Variants in ADAM2 observed in about 807,000 individuals in gnomAD.
The protein encoded by ADAM2 is ADAM metallopeptidase domain 2.
A neutral mutation model predicts 99.3 loss-of-function variants in ADAM2; 101 were observed. The observed-to-expected ratio is 1.02, with a 90% CI of 0.87 to 1.20. The LOEUF is 1.20. Among genes scored for constraint, ADAM2 ranks in the 50% most tolerant of loss-of-function variants. ADAM2 has a pLI of 0.00. For synonymous variants in ADAM2, 323 were observed against 287.6 expected (o/e 1.12, Z -1.25); for missense variants, 948 against 878.7 (o/e 1.08, Z -1.00).
At chr8:39,808,231 T>C (rs1483234766) in intron 7 of ADAM2, among the ~76,000 whole-genome samples, 1 of 132,162 alleles carries the variant, frequency 7.6e-6, no homozygotes. Flanking sequence ...CAATTACAAG[T>C]AATAAACATT....
At position 39,777,011 on chromosome 8, in the gene ADAM2, G is replaced by C. The variant is rs960302241; in HGVS notation, c.1028+14C>G. ...TAAACTATATATGTAAAGTATAAAA[G>C]TCAGAAATCTTACATTGCTTCTGGA... On this transcript the variant is annotated intron_variant, in intron 11 of 20. Coordinates refer to ENST00000265708, the MANE Select transcript of ADAM2 (RefSeq NM_001464.5). 1 of 1,497,798 alleles carries C rather than the reference G, an allele frequency of 6.7e-7. No individual in the cohort carries two copies. 92.8% of individuals were successfully genotyped at this position (1,497,798 alleles called of 1,614,324 possible). A position where few individuals can be genotyped will look rare whatever the true frequency, so the allele number is the denominator to read the frequency against.
intron 4 of ADAM2, among the ~76,000 whole-genome samples, chr8:39,824,344 T>C (rs534959504): frequency 1.3e-5 from 2 of 151,150 alleles, no homozygotes; most frequent in Non-Finnish European, 3.0e-5. Context: ...CTCTTCTTTA[T>C]TATTTTTTAA....
At chr8:39,824,717 A>T in intron 4 of ADAM2, 102 bp downstream of exon 4, 2 of 701,462 alleles carry the variant, frequency 2.9e-6, no homozygotes, top group Non-Finnish European at 5.1e-6. Flanking sequence ...TATGCCAAGA[A>T]GCCATGACCC....
chr8:39,787,559 C>CAT (rs1803518817), intron 9 of ADAM2, among the ~76,000 whole-genome samples: 1 of 96,262 alleles, frequency 1.0e-5, no homozygotes, highest in Non-Finnish European at 2.0e-5. Flanking sequence ...TATATATACA[C>CAT]ATATATATAC....
intron 7 of ADAM2, among the ~76,000 whole-genome samples, chr8:39,804,485 A>G (rs561121891): frequency 2.6e-5 from 4 of 152,274 alleles, no homozygotes; most frequent in Admixed American, 6.5e-5. Flanking sequence ...GAAATATAAG[A>G]GGGAGTATTC....
chr8:39,763,700 C>A (rs556200135), intron 14 of ADAM2, among the ~76,000 whole-genome samples: 1 of 152,188 alleles, frequency 6.6e-6, no homozygotes, highest in Non-Finnish European at 1.5e-5. Flanking sequence ...GCTATCAGAG[C>A]GTACTTTGCT....
intron 14 of ADAM2, among the ~76,000 whole-genome samples, chr8:39,763,789 C>T (rs1395910494): frequency 6.6e-6 from 1 of 152,174 alleles, no homozygotes; most frequent in Admixed American, 6.5e-5. Flanking sequence ...AGAATCTGAA[C>T]CGGTTCACTG....
chr8:39,814,082 G>A (rs552939281), intron 6 of ADAM2, among the ~76,000 whole-genome samples: 1 of 152,034 alleles, frequency 6.6e-6, no homozygotes. Flanking sequence ...CACAGGCCAG[G>A]CGTGGTGGCT....
intron 16 of ADAM2, among the ~76,000 whole-genome samples, chr8:39,752,629 A>T (rs1389301408): frequency 1.3e-5 from 2 of 152,138 alleles, no homozygotes; most frequent in Non-Finnish European, 2.9e-5. Flanking sequence ...ATTTGCAGAC[A>T]CCTGGGGCAA....
chr8:39,813,319 G>C (rs1044450127), intron 6 of ADAM2, among the ~76,000 whole-genome samples: 2 of 152,202 alleles, frequency 1.3e-5, no homozygotes, highest in Non-Finnish European at 2.9e-5. Flanking sequence ...TACACTGTTG[G>C]TGGGACTATA....
intron 15 of ADAM2, among the ~76,000 whole-genome samples, chr8:39,759,028 A>G (rs1802256007): frequency 6.6e-6 from 1 of 152,186 alleles, no homozygotes; most frequent in Non-Finnish European, 1.5e-5. Flanking sequence ...GGATTTTAAA[A>G]CTAGTTAGTT....
rs377755123 is a variant in ADAM2, at chr8:39,821,007, C to T, written c.508G>A (p.Val170Ile). 33 of 1,583,656 alleles carry T rather than the reference C, an allele frequency of 2.1e-5. No homozygotes were observed. Among genetic ancestry groups the T allele is most frequent in the Middle Eastern group, 1.8e-4 (1 of 5,462 alleles). Residue 170 changes from valine (V) to isoleucine (I), a missense_variant, in exon 6 of 21, where the codon GTA (valine) becomes ATA (isoleucine). Transcript: ENST00000265708. ...TTGTTCAATTAATCACCTACCTCTA[C>T]GCTTTGTAATTTAAAGGACAGATCT... ...SRDLSFKLQS[V>I]EPQQDFAKYI...
intron 15 of ADAM2, among the ~76,000 whole-genome samples, chr8:39,756,316 T>A (rs1802149688): frequency 6.6e-6 from 1 of 152,194 alleles, no homozygotes; most frequent in Non-Finnish European, 1.5e-5. Context: ...AAAATGAAGA[T>A]TTCAAGGTCA....
chr8:39,783,371 T>C (rs1458827738), intron 10 of ADAM2, among the ~76,000 whole-genome samples: 2 of 152,194 alleles, frequency 1.3e-5, no homozygotes, highest in Non-Finnish European at 2.9e-5. Context: ...TTCTTAAATA[T>C]GATTATGGAC....
intron 1 of ADAM2, among the ~76,000 whole-genome samples, chr8:39,837,595 C>T (rs1435959420): frequency 1.3e-5 from 2 of 152,018 alleles, no homozygotes; most frequent in African/African-American, 2.4e-5. Flanking sequence ...CCATGTTGGC[C>T]GGGATGGTCT....
intron 1 of ADAM2, 119 bp from the exon 2 acceptor site, chr8:39,837,331 C>T: frequency 5.1e-6 from 3 of 587,018 alleles, no homozygotes; most frequent in Non-Finnish European, 5.6e-6. Context: ...TTTTTATTAT[C>T]TTCCCATTTC....
intron 7 of ADAM2, among the ~76,000 whole-genome samples, chr8:39,803,871 G>C (rs180797033): frequency 2.7e-4 from 41 of 152,282 alleles, no homozygotes; most frequent in Admixed American, 2.6e-3. Flanking sequence ...GTTTTGTTTT[G>C]TTTTTAATAT....
At chr8:39,802,352 G>A (rs868183431) in intron 7 of ADAM2, among the ~76,000 whole-genome samples, 10 of 152,182 alleles carry the variant, frequency 6.6e-5, no homozygotes, top group South Asian at 2.1e-4. Flanking sequence ...GGTTGCCGCT[G>A]AAGGATTCAC....
intron 16 of ADAM2, among the ~76,000 whole-genome samples, chr8:39,753,449 G>C (rs1273804046): frequency 3.9e-5 from 6 of 151,930 alleles, no homozygotes; most frequent in African/African-American, 1.2e-4. Flanking sequence ...CCCATGTTCT[G>C]GGGAAAAATT....
Sources: gnomAD v4.1 joint callset for allele counts (sites outside exome capture counted in the v4.1 genomes callset) on GRCh38, gnomAD v4.1.1 for gene constraint, MANE v1.5 for transcripts, NCBI Gene and HGNC (gene_info 2026-07-23, HGNC 2026-07-21) for gene names.